Variants in HMGXB3 observed in about 807,000 individuals in gnomAD.
HMGXB3 encodes HMG-box containing 3.
Under a neutral mutation model 121.5 loss-of-function variants are expected in HMGXB3, and 45 were observed. The ratio of observed to expected loss-of-function variants is 0.37; its 90% CI spans 0.29 to 0.47. The LOEUF is 0.47. Among genes scored for constraint, HMGXB3 ranks in the 20% least tolerant of loss-of-function variants. The pLI is 0.99. For synonymous variants in HMGXB3, 590 were observed against 624.1 expected (o/e 0.95, Z 0.81); for missense variants, 1,376 against 1,602.2 (o/e 0.86, Z 2.41).
chr5:150,027,769 C>G (rs1282142391), intron 9 of HMGXB3, among the ~76,000 whole-genome samples: 1 of 151,926 alleles, frequency 6.6e-6, no homozygotes, highest in Non-Finnish European at 1.5e-5. Context: ...GCCAGGCTGG[C>G]CTTGAACTCC....
chr5:150,020,887 G>A (rs1447490223), intron 6 of HMGXB3, among the ~76,000 whole-genome samples: 1 of 151,878 alleles, frequency 6.6e-6, no homozygotes, highest in Non-Finnish European at 1.5e-5. Context: ...TTACAGGCAT[G>A]TGCCACCACA....
chr5:150,006,356 A>G (rs1755700840), intron 2 of HMGXB3, 117 bp from the exon 3 acceptor site: 2 of 761,680 alleles, frequency 2.6e-6, no homozygotes, highest in Non-Finnish European at 4.1e-6. Flanking sequence ...ATCTTAGCAT[A>G]GTAGTACTTA....
chr5:150,048,831 C>T (rs190394906), intron 18 of HMGXB3, 146 bp downstream of exon 18: 14 of 652,980 alleles, frequency 2.1e-5, no homozygotes, highest in African/African-American at 1.1e-4. Context: ...GGTGCTACCC[C>T]CTGGGCTAGG....
intron 18 of HMGXB3, 115 bp from the exon 19 acceptor site, chr5:150,050,137 G>T: frequency 1.1e-6 from 1 of 886,668 alleles, no homozygotes. Flanking sequence ...GATGGCCATG[G>T]CTTCGGCCCT....
intron 5 of HMGXB3, chr5:150,014,745 A>G (rs546664299): frequency 4.7e-5 from 13 of 273,874 alleles, no homozygotes; most frequent in African/African-American, 2.9e-4. Flanking sequence ...AGGCAAAGGC[A>G]AGGTGGAGTC....
intron 7 of HMGXB3, 72 bp downstream of exon 7, chr5:150,024,752 G>C: frequency 7.8e-7 from 1 of 1,282,114 alleles, no homozygotes; most frequent in Non-Finnish European, 1.0e-6. Flanking sequence ...TGTCTGTACA[G>C]CATGCCTGAG....
At position 150,006,531 on chromosome 5, in the gene HMGXB3, C is replaced by A; in HGVS notation, c.196C>A (p.His66Asn). 6.4e-7 allele frequency: 1 copy of A among 1,552,034 alleles called. No individual in the cohort carries two copies. Among genetic ancestry groups the A allele is most frequent in the Non-Finnish European group, 8.7e-7 (1 of 1,147,036 alleles). Residue 66 changes from histidine to asparagine, a missense_variant, in exon 3 of 20, where the codon CAC (histidine) becomes AAC (asparagine). Transcript: ENST00000502717. ...CCTGAAAGTGCAGCAGGAGCTCCCC[C>A]ACCTCCCTCAGTCTGAGATCAATAA... Reference protein sequence around the residue: ...IYLKVQQELPHLPQSEINKKI... With the variant: ...IYLKVQQELPNLPQSEINKKI...
chr5:150,013,446 T>A (rs764581172), intron 5 of HMGXB3, among the ~76,000 whole-genome samples: 6 of 152,324 alleles, frequency 3.9e-5, no homozygotes, highest in Non-Finnish European at 7.3e-5. Context: ...TGATGTAGTA[T>A]CCCTCTCATA....
At chr5:150,025,543 T>A (rs962032257) in intron 7 of HMGXB3, among the ~76,000 whole-genome samples, 6 of 152,132 alleles carry the variant, frequency 3.9e-5, no homozygotes, top group Non-Finnish European at 8.8e-5. Flanking sequence ...ACATACATAC[T>A]TCTACATCTT....
intron 7 of HMGXB3, among the ~76,000 whole-genome samples, chr5:150,024,901 C>T (rs1368344295): frequency 6.6e-6 from 1 of 152,194 alleles, no homozygotes; most frequent in Admixed American, 6.5e-5. Flanking sequence ...CTCTTCTTGT[C>T]AGTCTCCCTA....
At chr5:150,047,230 T>G (rs1756777696) in intron 16 of HMGXB3, among the ~76,000 whole-genome samples, 1 of 152,012 alleles carries the variant, frequency 6.6e-6, no homozygotes, top group Admixed American at 6.6e-5. Flanking sequence ...CCCACATAGT[T>G]CTCTTGTGCT....
rs1062028 is a variant in HMGXB3 at position 150,051,934 on chromosome 5, C to T, written c.3621C>T (p.Ile1207=). 7.2e-5 allele frequency: 112 copies of T among 1,552,298 alleles called. No homozygotes were observed. The highest frequency in any genetic ancestry group is 1.8e-4 in the South Asian group (15 of 84,066). Reference sequence around the variant, plus strand: ...CTTACGCAACCATCCTGGCCTCCATCGTGGACAGCAAACCAAACGGTGTCC... The same window carrying T: ...CTTACGCAACCATCCTGGCCTCCATTGTGGACAGCAAACCAAACGGTGTCC... ...LAPYATILAS[I]VDSKPNGVRQ... Residue 1207 remains isoleucine (I), a synonymous_variant, in exon 20 of 20, where the codon ATC becomes ATT. Transcript: ENST00000502717.
At chr5:150,003,190 A>G (rs1230192728) in intron 1 of HMGXB3, among the ~76,000 whole-genome samples, 1 of 152,186 alleles carries the variant, frequency 6.6e-6, no homozygotes, top group Non-Finnish European at 1.5e-5. Context: ...CTTCAGTCAC[A>G]CTAGCCATAT....
At chr5:150,012,392 G>A in intron 5 of HMGXB3, 39 bp downstream of exon 5, 1 of 1,347,252 alleles carries the variant, frequency 7.4e-7, no homozygotes, top group South Asian at 1.3e-5. Flanking sequence ...CAATTAGGGT[G>A]TCATAAGCAT....
intron 12 of HMGXB3, 51 bp downstream of exon 12, chr5:150,036,988 A>T: frequency 7.1e-7 from 1 of 1,415,764 alleles, no homozygotes; most frequent in Non-Finnish European, 9.5e-7. Flanking sequence ...TTTGGCTCAT[A>T]CTGCTCTTTT....
chr5:150,005,862 G>A (rs17110790), intron 2 of HMGXB3, among the ~76,000 whole-genome samples: 25,206 of 152,086 alleles, frequency 0.17, 2,583 homozygotes, highest in Admixed American at 0.27. Context: ...AGCCCCTTGA[G>A]GAAGCTTTCC....
chr5:150,010,561 C>A lies in HMGXB3; in HGVS notation c.763C>A (p.Pro255Thr), dbSNP rs1481076087. The change falls in exon 4 of 20, where the codon CCC becomes ACC. Residue 255 changes from proline to threonine, a missense_variant. By Grantham distance (38) the Pro-to-Thr change is conservative. This residue lies in a region of HMGXB3 where 1,116 missense variants were observed against 1,369.0 expected (regional missense o/e 0.82). Transcript: ENST00000502717. The part of the protein sequence containing the change: ...PDLPTGSLAV[P>T]HPQVGESVSV... The stretch of plus-strand genomic sequence containing the variant: ...CCTCCCCACTGGAAGCCTGGCTGTG[C>A]CCCACCCCCAGGTTGGGGAGAGTGT... 6 of 1,551,374 alleles carry A rather than the reference C, an allele frequency of 3.9e-6. No individual in the cohort carries two copies. The highest frequency in any genetic ancestry group is 5.2e-6 in the Non-Finnish European group (6 of 1,146,948).
At chr5:150,001,489 GA>G (rs770692256) in intron 1 of HMGXB3, among the ~76,000 whole-genome samples, 33 of 152,238 alleles carry the variant, frequency 2.2e-4, no homozygotes, top group Non-Finnish European at 3.8e-4. Flanking sequence ...TGATGGGACA[GA>G]GAAAGTGTCT....
chr5:150,052,327 G>T lies in HMGXB3; in HGVS notation c.*135G>T, dbSNP rs1384144062. On this transcript the variant is annotated 3_prime_UTR_variant, in exon 20 of 20. Transcript: ENST00000502717. ...TCTGACTGCTGGGACTGACCAAAGA[G>T]CTTCCATTCCCTGAGCATGGTGGGA... 4.3e-6 allele frequency: 3 copies of T among 699,098 alleles called. No homozygotes were observed. The highest frequency in any genetic ancestry group is 7.0e-6 in the Non-Finnish European group (3 of 425,862). 43.3% of individuals were successfully genotyped at this position (699,098 alleles called of 1,614,324 possible). A position where few individuals can be genotyped will look rare whatever the true frequency, so the allele number is the denominator to read the frequency against.
Sources: allele counts gnomAD v4.1 joint callset (sites outside exome capture counted in the v4.1 genomes callset), GRCh38; gene constraint gnomAD v4.1.1; regional missense constraint gnomAD v4.1.1; transcripts MANE v1.5; gene names NCBI Gene and HGNC (gene_info 2026-07-23, HGNC 2026-07-21).